RIMS1: variants seen among roughly 807,000 people sequenced by gnomAD.
RIMS1 encodes regulating synaptic membrane exocytosis 1, also known as regulating synaptic membrane exocytosis protein 1.
In RIMS1, 83 loss-of-function variants were observed where a neutral mutation model predicts 214.1. The ratio of observed to expected loss-of-function variants is 0.39; its 90% CI spans 0.32 to 0.47. The LOEUF (loss-of-function observed/expected upper bound fraction) is 0.47. Ranked by LOEUF, RIMS1 falls within the 20% of genes least tolerant of loss-of-function variation. The pLI is 0.99. For missense variants in RIMS1, 2,050 were observed against 2,161.8 expected (o/e 0.95, Z 1.03); for synonymous variants, 793 against 786.8 (o/e 1.01, Z -0.13).
At chr6:72,358,284 T>A (rs1357153590) in intron 29 of RIMS1, among the ~76,000 whole-genome samples, 1 of 152,128 alleles carries the variant, frequency 6.6e-6, no homozygotes, top group African/African-American at 2.4e-5. Context: ...GATAGAGAAA[T>A]CTTTACAATT....
At chr6:72,102,019 C>T (rs563458225) in intron 4 of RIMS1, among the ~76,000 whole-genome samples, 10 of 151,994 alleles carry the variant, frequency 6.6e-5, no homozygotes, top group African/African-American at 2.4e-4. Flanking sequence ...TCATTAAAAG[C>T]CCTCCTTGAA....
intron 2 of RIMS1, among the ~76,000 whole-genome samples, chr6:72,030,227 T>C (rs912264144): frequency 2.0e-5 from 3 of 152,214 alleles, no homozygotes; most frequent in African/African-American, 7.2e-5. Flanking sequence ...ATTCTGCATG[T>C]CTAACAAGCT....
intron 2 of RIMS1, among the ~76,000 whole-genome samples, chr6:72,043,131 T>G (rs1239357007): frequency 6.8e-6 from 1 of 147,178 alleles, no homozygotes; most frequent in East Asian, 2.0e-4. Context: ...TGCTGTATAA[T>G]GCTATAGTCA....
At position 72,183,125 on chromosome 6, in the gene RIMS1, G is replaced by A; in HGVS notation, c.1654G>A (p.Glu552Lys). The change falls in exon 6 of 34, where the codon GAG (glutamate) becomes AAG (lysine). Residue 552 changes from glutamate to lysine, a missense_variant. Physicochemically the swap from Glu to Lys is moderately conservative, Grantham distance 56. This residue lies in a region of RIMS1 where 882 missense variants were observed against 828.9 expected (regional missense o/e 1.06). Coordinates refer to ENST00000521978, the MANE Select transcript of RIMS1 (RefSeq NM_014989.7). ...CACCAGCTGCGAGGACGTGGAGCTG[G>A]AGAGCGAGAGCGTCAGCGAGAAAGG... ...EYTSCEDVELESESVSEKGDL... is the reference protein window; with the variant it reads ...EYTSCEDVELKSESVSEKGDL... The A allele has an allele frequency of 6.3e-7, 1 of 1,591,424 alleles. No individual in the cohort carries two copies. The highest frequency in any genetic ancestry group is 8.5e-7 in the Non-Finnish European group (1 of 1,170,206).
chr6:72,216,676 T>C (rs1208395918), intron 6 of RIMS1: 1 of 985,496 alleles, frequency 1.0e-6, no homozygotes, highest in African/African-American at 1.7e-5. Context: ...CTGCTCAACC[T>C]TGTCATCTTA....
intron 26 of RIMS1, among the ~76,000 whole-genome samples, chr6:72,295,541 T>C (rs918409604): frequency 6.6e-6 from 1 of 151,760 alleles, no homozygotes; most frequent in Non-Finnish European, 1.5e-5. Flanking sequence ...ATTTTTGTTA[T>C]GAAAATTAAG....
At chr6:71,994,508 C>A (rs1395782348) in intron 2 of RIMS1, among the ~76,000 whole-genome samples, 5 of 152,252 alleles carry the variant, frequency 3.3e-5, no homozygotes, top group African/African-American at 1.2e-4. Context: ...ACTCTTTAGA[C>A]AAGTCATTTT....
rs541739581 is a variant in RIMS1, at chr6:72,331,958, C to T, written c.4131-1642C>T. On this transcript the variant is annotated intron_variant, in intron 28 of 33. Coordinates refer to ENST00000521978, the MANE Select transcript of RIMS1 (RefSeq NM_014989.7). ...TTTCAATTCACAATCCATGAAGGAT[C>T]CTAAGGACCAGTCTTACCTCTTTTC... 1.1e-3 allele frequency among the ~76,000 whole-genome samples: 161 copies of T among 151,882 alleles called. 1 individual carries two copies. The highest frequency in any genetic ancestry group is 3.7e-3 in the African/African-American group (154 of 41,496).
At chr6:72,011,412 G>A (rs969808749) in intron 2 of RIMS1, among the ~76,000 whole-genome samples, 4 of 152,148 alleles carry the variant, frequency 2.6e-5, no homozygotes, top group African/African-American at 9.7e-5. Context: ...TCAAGACATA[G>A]GCATGAGCAA....
intron 4 of RIMS1, among the ~76,000 whole-genome samples, chr6:72,142,677 G>A (rs2042218520): frequency 1.3e-5 from 2 of 152,024 alleles, no homozygotes; most frequent in South Asian, 4.1e-4. Context: ...TGCAATGACA[G>A]TTGTTTCTGC....
chr6:72,130,092 C>G (rs1307974793), intron 4 of RIMS1, among the ~76,000 whole-genome samples: 3 of 152,166 alleles, frequency 2.0e-5, no homozygotes, highest in Non-Finnish European at 4.4e-5. Flanking sequence ...TTCACTTACT[C>G]TGGAAAAATA....
intron 6 of RIMS1, among the ~76,000 whole-genome samples, chr6:72,218,809 A>G (rs2057330353): frequency 2.0e-5 from 3 of 152,166 alleles, no homozygotes; most frequent in Admixed American, 1.3e-4. Flanking sequence ...GTTCTGAGGA[A>G]CCAGTCTGAA....
intron 2 of RIMS1, among the ~76,000 whole-genome samples, chr6:72,006,820 G>A (rs553685252): frequency 3.9e-4 from 60 of 152,334 alleles, no homozygotes; most frequent in African/African-American, 1.1e-3. Context: ...TAAACAAAGC[G>A]GCCGGGAAGC....
At position 71,904,468 on chromosome 6, in the gene RIMS1, C is replaced by T. The variant is rs996581873; in HGVS notation, c.164+17281C>T. Among the ~76,000 whole-genome samples the T allele has an allele frequency of 2.0e-5, 3 of 152,054 alleles. No homozygotes were observed. The South Asian group carries it at 6.2e-4, about 32-fold the overall frequency. ...ATTTAGGCTGCCTGGGGAAGAGGATCTAGCCTTAGGAGAGGTGGCTGGCTT... is the reference window on the plus strand; with the variant it reads ...ATTTAGGCTGCCTGGGGAAGAGGATTTAGCCTTAGGAGAGGTGGCTGGCTT... On this transcript the variant is annotated intron_variant, in intron 1 of 33. Coordinates refer to ENST00000521978, the MANE Select transcript of RIMS1 (RefSeq NM_014989.7).
chr6:72,204,994 C>G (rs973702678), intron 6 of RIMS1, among the ~76,000 whole-genome samples: 1 of 151,966 alleles, frequency 6.6e-6, no homozygotes, highest in Non-Finnish European at 1.5e-5. Flanking sequence ...CAATAAGTAC[C>G]TTTTCATTGG....
Position 72,265,369 on chromosome 6 carries a change from G to T in RIMS1, c.3195-21G>T, listed in dbSNP as rs537210449. ...TTATAATTTATTTTATTTTATTTTT[G>T]TGTAATTTTAATTTGTGGAGCTCAA... On this transcript the variant is annotated intron_variant, in intron 20 of 33. Transcript: ENST00000521978. 425 of 1,247,578 alleles carry T rather than the reference G, an allele frequency of 3.4e-4. 1 individual carries two copies. Among genetic ancestry groups the T allele is most frequent in the Non-Finnish European group, 3.2e-4 (280 of 865,254 alleles). The allele number at this position is 1,247,578 out of a possible 1,614,324, so 77.3% of individuals were successfully genotyped here.
chr6:72,036,922 G>A lies in RIMS1; in HGVS notation c.246-60027G>A, dbSNP rs561631539. 8.5e-5 allele frequency among the ~76,000 whole-genome samples: 13 copies of A among 152,246 alleles called. No individual in the cohort carries two copies. In the South Asian group the frequency reaches 2.7e-3, roughly 32 times the overall value. On this transcript the variant is annotated intron_variant, in intron 2 of 33. Transcript: ENST00000521978. ...CTCCACTTTGCTTTTAGATCAATCA[G>A]TAAATCTTAGCCTGAACTTTCTCGT...
At chr6:72,313,390 A>T in intron 27 of RIMS1, 116 bp from the exon 28 acceptor site, 2 of 763,320 alleles carry the variant, frequency 2.6e-6, no homozygotes, top group Non-Finnish European at 4.2e-6. Flanking sequence ...TATTACAGCT[A>T]CTCTTATGAA....
intron 29 of RIMS1, among the ~76,000 whole-genome samples, chr6:72,381,455 C>T (rs143178635): frequency 2.2e-4 from 33 of 152,334 alleles, no homozygotes; most frequent in Middle Eastern, 3.4e-3. Context: ...ACAATTTACA[C>T]GAGTGAGAAG....
Sources: gnomAD v4.1 joint callset for allele counts (sites outside exome capture counted in the v4.1 genomes callset) on GRCh38, gnomAD v4.1.1 for gene constraint, gnomAD v4.1.1 regional missense constraint, MANE v1.5 for transcripts, NCBI Gene and HGNC (gene_info 2026-07-23, HGNC 2026-07-21) for gene names.